MEMO1: variants seen among roughly 807,000 people sequenced by gnomAD.
MEMO1 encodes the protein protein MEMO1.
Under a neutral mutation model 45.2 loss-of-function variants are expected in MEMO1, and 6 were observed. The ratio of observed to expected loss-of-function variants is 0.13; its 90% CI spans 0.07 to 0.26. MEMO1 has a LOEUF of 0.26. MEMO1 is among the 10% of genes least tolerant of loss of function. The pLI, the probability that MEMO1 is intolerant of heterozygous loss-of-function variation, is 1.00. For missense variants in MEMO1, 184 were observed against 370.5 expected (o/e 0.50, Z 4.13); for synonymous variants, 78 against 124.3 (o/e 0.63, Z 2.48).
intron 2 of MEMO1, among the ~76,000 whole-genome samples, chr2:31,992,924 T>A (rs1216759185): frequency 2.0e-5 from 3 of 151,970 alleles, no homozygotes; most frequent in South Asian, 2.1e-4. Context: ...AAATACATAT[T>A]TGAAAACTAT....
At chr2:31,880,475 A>G (rs1255051804) in intron 8 of MEMO1, among the ~76,000 whole-genome samples, 1 of 152,244 alleles carries the variant, frequency 6.6e-6, no homozygotes, top group East Asian at 1.9e-4. Context: ...AAAATATACT[A>G]CATGATATAT....
chr2:31,907,177 A>C (rs1333177441), intron 6 of MEMO1, among the ~76,000 whole-genome samples: 1 of 152,168 alleles, frequency 6.6e-6, no homozygotes, highest in Admixed American at 6.5e-5. Context: ...CCCTTAATGA[A>C]GCCCTTTCTG....
chr2:31,934,054 G>C (rs1395839744), intron 3 of MEMO1, among the ~76,000 whole-genome samples: 1 of 152,086 alleles, frequency 6.6e-6, no homozygotes, highest in Admixed American at 6.6e-5. Flanking sequence ...ACGCCATCTT[G>C]CCTGTCCATG....
chr2:31,868,323 T>C lies in MEMO1; in HGVS notation c.*38A>G. The C allele has an allele frequency of 6.7e-7, 1 of 1,502,726 alleles. No homozygotes were observed. Among genetic ancestry groups the C allele is most frequent in the Non-Finnish European group, 8.9e-7 (1 of 1,124,182 alleles). The allele number at this position is 1,502,726 out of a possible 1,614,324, so 93.1% of individuals were successfully genotyped here. A position where few individuals can be genotyped will look rare whatever the true frequency, so the allele number is the denominator to read the frequency against. On this transcript the variant is annotated 3_prime_UTR_variant, in exon 10 of 10. Coordinates refer to ENST00000404530, the MANE Select transcript of MEMO1 (RefSeq NM_001301833.4). ...CTAGGCTGGGACCCCGGACAGAGTA[T>C]GAGAATGTGCAGGTGGCATCCCTGA...
At chr2:31,938,364 A>C (rs1399925053) in intron 3 of MEMO1, among the ~76,000 whole-genome samples, 1 of 151,972 alleles carries the variant, frequency 6.6e-6, no homozygotes, top group African/African-American at 2.4e-5. Context: ...AAAACTAAGA[A>C]GGCCAGGCGC....
chr2:31,987,958 T>C (rs1270894189), intron 2 of MEMO1, among the ~76,000 whole-genome samples: 1 of 152,080 alleles, frequency 6.6e-6, no homozygotes, highest in African/African-American at 2.4e-5. Flanking sequence ...TTCTTGAGAA[T>C]CATGCCAAAA....
intron 2 of MEMO1, among the ~76,000 whole-genome samples, chr2:31,962,183 G>A (rs982767889): frequency 5.3e-5 from 8 of 151,856 alleles, no homozygotes; most frequent in African/African-American, 1.7e-4. Flanking sequence ...CCAGGAGGTC[G>A]AGACCAGCCT....
intron 8 of MEMO1, among the ~76,000 whole-genome samples, chr2:31,883,157 T>C (rs376839921): frequency 6.6e-6 from 1 of 152,124 alleles, no homozygotes; most frequent in African/African-American, 2.4e-5. Flanking sequence ...TAAATCCGTA[T>C]ATATTATTCT....
In MEMO1 at chr2:31,886,375, T is replaced by G. The variant is rs947124794; in HGVS notation, c.581-2913A>C. On this transcript the variant is annotated intron_variant, in intron 7 of 9. Transcript: ENST00000404530. Reference sequence around the variant, plus strand: ...AGGCATCTAATTTGAAGTAAATAGTTGTCATCATCATAGCCTATATGTATG... The same window carrying G: ...AGGCATCTAATTTGAAGTAAATAGTGGTCATCATCATAGCCTATATGTATG... Among the ~76,000 whole-genome samples, 14 of 152,324 alleles carry G rather than the reference T, an allele frequency of 9.2e-5. 1 individual carries two copies. The highest frequency in any genetic ancestry group is 8.5e-4 in the Admixed American group (13 of 15,306).
chr2:31,947,978 A>G (rs1666380371), intron 2 of MEMO1, among the ~76,000 whole-genome samples: 2 of 152,168 alleles, frequency 1.3e-5, no homozygotes, highest in Admixed American at 1.3e-4. Flanking sequence ...TCTCTTTTCA[A>G]ATTTAGTGAG....
chr2:31,912,443 G>A (rs1680710954), intron 6 of MEMO1, among the ~76,000 whole-genome samples: 1 of 151,342 alleles, frequency 6.6e-6, no homozygotes, highest in African/African-American at 2.4e-5. Flanking sequence ...AACCCAGGAG[G>A]CGGAGGTTGC....
Position 31,960,945 on chromosome 2 carries a change from A to T in MEMO1, c.62-17562T>A, listed in dbSNP as rs574824360. 1.1e-3 allele frequency among the ~76,000 whole-genome samples: 163 copies of T among 152,312 alleles called. 1 individual carries two copies. The highest frequency in any genetic ancestry group is 3.9e-3 in the African/African-American group (161 of 41,560). Reference sequence around the variant, plus strand: ...CCAGAAAAATTCAGAAAAGGACCAAATTTTTTTAGTCTATTAAGGAAAAAA... The same window carrying T: ...CCAGAAAAATTCAGAAAAGGACCAATTTTTTTTAGTCTATTAAGGAAAAAA... On this transcript the variant is annotated intron_variant, in intron 2 of 9. Coordinates refer to ENST00000404530, the MANE Select transcript of MEMO1 (RefSeq NM_001301833.4).
At position 31,969,569 on chromosome 2, in the gene MEMO1, CTGGGGGTGTGTGTG is replaced by C. The variant is rs1163735526; in HGVS notation, c.62-26200_62-26187del. 9.9e-4 allele frequency among the ~76,000 whole-genome samples: 135 copies of C among 136,764 alleles called. 1 individual carries two copies. The highest frequency in any genetic ancestry group is 3.6e-3 in the African/African-American group (128 of 35,812). The allele number at this position is 136,764 out of a possible 152,430, so 89.7% of individuals were successfully genotyped here. A position where few individuals can be genotyped will look rare whatever the true frequency, so the allele number is the denominator to read the frequency against. On this transcript the variant is annotated intron_variant, in intron 2 of 9. Transcript: ENST00000404530. The stretch of plus-strand genomic sequence containing the variant: ...TTTATCTATACTTTCTAAATCTTTT[CTGGGGGTGTGTGTG>C]TGGGTGTGTGTGTGTGTGTGTGTGT...
At chr2:32,005,244 C>A (rs1006700093) in intron 2 of MEMO1, among the ~76,000 whole-genome samples, 2 of 144,506 alleles carry the variant, frequency 1.4e-5, no homozygotes, top group African/African-American at 5.2e-5. Context: ...TGCTTGAGCC[C>A]AGGAAGTTGA....
At chr2:31,879,034 A>G (rs1026093887) in intron 8 of MEMO1, among the ~76,000 whole-genome samples, 1 of 152,192 alleles carries the variant, frequency 6.6e-6, no homozygotes, top group Admixed American at 6.5e-5. Flanking sequence ...CATAGTTTCC[A>G]TCTTTAAAAA....
At chr2:31,893,410 CCT>C (rs1677240301) in intron 6 of MEMO1, 9 of 1,038,596 alleles carry the variant, frequency 8.7e-6, no homozygotes, top group Non-Finnish European at 1.1e-5. Context: ...TAAATAACTC[CCT>C]GACTGAATAG....
At chr2:31,896,559 A>G (rs1429564069) in intron 6 of MEMO1, among the ~76,000 whole-genome samples, 1 of 152,154 alleles carries the variant, frequency 6.6e-6, no homozygotes, top group Non-Finnish European at 1.5e-5. Flanking sequence ...AAATTTGCTG[A>G]CTCTTGTTCA....
chr2:31,992,586 C>T (rs1477070352), intron 2 of MEMO1, among the ~76,000 whole-genome samples: 1 of 152,210 alleles, frequency 6.6e-6, no homozygotes, highest in Non-Finnish European at 1.5e-5. Context: ...GAGTTCGAGA[C>T]CAGCCTGGCC....
intron 8 of MEMO1, among the ~76,000 whole-genome samples, chr2:31,881,832 T>C (rs1675429489): frequency 6.6e-6 from 1 of 151,854 alleles, no homozygotes; most frequent in African/African-American, 2.4e-5. Context: ...CAAGACCTTG[T>C]CTCTACAAAA....
Sources: allele counts gnomAD v4.1 joint callset (sites outside exome capture counted in the v4.1 genomes callset), GRCh38; gene constraint gnomAD v4.1.1; transcripts MANE v1.5; gene names NCBI Gene and HGNC (gene_info 2026-07-23, HGNC 2026-07-21).